CAMSAP1: variants seen among roughly 807,000 people sequenced by gnomAD.
CAMSAP1 encodes calmodulin-regulated spectrin-associated protein 1.
In CAMSAP1, 58 loss-of-function variants were observed where a neutral mutation model predicts 143.5. The observed-to-expected ratio is 0.40, with a 90% CI of 0.33 to 0.50. CAMSAP1 has a LOEUF of 0.50. CAMSAP1 is among the 20% of genes least tolerant of loss of function. The pLI, the probability that CAMSAP1 is intolerant of heterozygous loss-of-function variation, is 0.45. For synonymous variants in CAMSAP1, 945 were observed against 859.3 expected (o/e 1.10, Z -1.74); for missense variants, 1,969 against 2,115.7 (o/e 0.93, Z 1.36).
At chr9:135,859,268 T>G (rs1225998148) in intron 5 of CAMSAP1, among the ~76,000 whole-genome samples, 1 of 152,242 alleles carries the variant, frequency 6.6e-6, no homozygotes, top group East Asian at 1.9e-4. Context: ...GATTCCACAG[T>G]GGCTGGTGCA....
chr9:135,821,786 C>G lies in CAMSAP1; in HGVS notation c.2875G>C (p.Val959Leu). 6 of 1,613,974 alleles carry G rather than the reference C, an allele frequency of 3.7e-6. No homozygotes were observed. Among genetic ancestry groups the G allele is most frequent in the Non-Finnish European group, 4.2e-6 (5 of 1,179,890 alleles). ...DAVSKTEDFL[V>L]KEEQREELLH... is the part of the protein sequence containing the mutation. ...AGCTCCTCTCTCTGCTCCTCCTTCA[C>G]GAGAAAGTCTTCGGTTTTGGAAACA... Residue 959 changes from valine (V) to leucine (L), a missense_variant, in exon 11 of 17, where the codon GTG becomes CTG. This residue lies in a region of CAMSAP1 where 1,390 missense variants were observed against 1,420.8 expected (regional missense o/e 0.98). Transcript: ENST00000389532. This position sits in a 1 kb window ranked among gnomAD's most constrained non-coding sequence, Gnocchi z 4.6.
At chr9:135,838,869 G>A (rs989874317) in intron 7 of CAMSAP1, among the ~76,000 whole-genome samples, 22 of 144,222 alleles carry the variant, frequency 1.5e-4, no homozygotes, top group Admixed American at 6.2e-4. Context: ...GTAGCCACAC[G>A]TTCGCCACGT....
chr9:135,830,170 T>G (rs983690351), intron 7 of CAMSAP1, among the ~76,000 whole-genome samples: 1 of 152,128 alleles, frequency 6.6e-6, no homozygotes, highest in Non-Finnish European at 1.5e-5. Flanking sequence ...AAAGAACTGT[T>G]AGACAAAACA....
At chr9:135,829,355 AT>A (rs1324433350) in intron 7 of CAMSAP1, among the ~76,000 whole-genome samples, 1 of 151,578 alleles carries the variant, frequency 6.6e-6, no homozygotes. Flanking sequence ...AAAAAAAAAA[AT>A]TAAAGTAGCT....
intron 1 of CAMSAP1, among the ~76,000 whole-genome samples, chr9:135,902,195 G>A (rs1838637806): frequency 6.6e-6 from 1 of 152,212 alleles, no homozygotes; most frequent in Non-Finnish European, 1.5e-5. Context: ...ATTTGAAGAT[G>A]CTCTGTAACC....
chr9:135,848,812 A>G (rs1836669633), intron 7 of CAMSAP1, among the ~76,000 whole-genome samples: 1 of 152,222 alleles, frequency 6.6e-6, no homozygotes, highest in African/African-American at 2.4e-5. Context: ...GTCCTGATGC[A>G]CAAGTACCAA....
intron 7 of CAMSAP1, among the ~76,000 whole-genome samples, chr9:135,830,936 T>C (rs1835838448): frequency 6.6e-6 from 1 of 152,100 alleles, no homozygotes; most frequent in Non-Finnish European, 1.5e-5. Context: ...TTTGGGAGGC[T>C]GAGGGGGGCA....
chr9:135,877,236 CAAG>C (rs1837782836), intron 3 of CAMSAP1, among the ~76,000 whole-genome samples: 1 of 151,780 alleles, frequency 6.6e-6, no homozygotes. Flanking sequence ...AAGCCAAACA[CAAG>C]AAGAGCACAC....
At chr9:135,891,431 G>C (rs1838287876) in intron 1 of CAMSAP1, among the ~76,000 whole-genome samples, 1 of 152,230 alleles carries the variant, frequency 6.6e-6, no homozygotes, top group Non-Finnish European at 1.5e-5. Context: ...GCTTACTCCT[G>C]AGCTGTGTGT....
rs772228007 is a variant in CAMSAP1, at chr9:135,882,787, C to T, written c.423+29G>A. 2.0e-5 allele frequency: 31 copies of T among 1,539,014 alleles called. No homozygotes were observed. Among genetic ancestry groups the T allele is most frequent in the Non-Finnish European group, 2.7e-5 (31 of 1,141,554 alleles). ...GAGCCCACGGCTCCAGAGGATGGCCCCTGGGGGCGGCCACCGCAGACCACT... is the reference window on the plus strand; with the variant it reads ...GAGCCCACGGCTCCAGAGGATGGCCTCTGGGGGCGGCCACCGCAGACCACT... On this transcript the variant is annotated intron_variant, in intron 2 of 16. Transcript: ENST00000389532. The surrounding 1 kb of genome is among the most constrained non-coding windows in gnomAD (Gnocchi z 4.9).
intron 3 of CAMSAP1, among the ~76,000 whole-genome samples, chr9:135,880,847 C>T (rs1341135640): frequency 1.3e-5 from 2 of 152,132 alleles, no homozygotes; most frequent in Non-Finnish European, 2.9e-5. Context: ...GTAAGGTAAC[C>T]TTATAAATCA....
chr9:135,847,163 C>T (rs147181281), intron 7 of CAMSAP1, among the ~76,000 whole-genome samples: 1,609 of 151,102 alleles, frequency 0.011, 25 homozygotes, highest in African/African-American at 0.037. Flanking sequence ...CTGGCTAACA[C>T]GGTGAAACCC....
chr9:135,846,752 C>T (rs1450590563), intron 7 of CAMSAP1, among the ~76,000 whole-genome samples: 2 of 144,698 alleles, frequency 1.4e-5, no homozygotes, highest in African/African-American at 2.6e-5. Flanking sequence ...CAAAAGAAGA[C>T]ATATATGCGG....
chr9:135,833,441 C>T (rs566506915), intron 7 of CAMSAP1, among the ~76,000 whole-genome samples: 1 of 152,304 alleles, frequency 6.6e-6, no homozygotes, highest in Non-Finnish European at 1.5e-5. Context: ...TCAAATTATA[C>T]TACAAAGCTA....
intron 14 of CAMSAP1, 197 bp downstream of exon 14, chr9:135,817,780 C>T: frequency 1.8e-6 from 1 of 567,736 alleles, no homozygotes; most frequent in Non-Finnish European, 3.2e-6. Context: ...TGAAGGCTGC[C>T]ACGTTTAACC....
At chr9:135,869,561 C>G (rs1470585302) in intron 3 of CAMSAP1, among the ~76,000 whole-genome samples, 1 of 150,328 alleles carries the variant, frequency 6.7e-6, no homozygotes, top group East Asian at 1.9e-4. Context: ...ATGGGGAAAA[C>G]TAGAACCCTC....
intron 1 of CAMSAP1, among the ~76,000 whole-genome samples, chr9:135,890,675 G>A (rs527872322): frequency 2.6e-5 from 4 of 152,310 alleles, no homozygotes; most frequent in Admixed American, 6.5e-5. Flanking sequence ...CCAGGGCCTC[G>A]CGTGGGGTGA....
At chr9:135,837,296 T>C (rs1213643420) in intron 7 of CAMSAP1, among the ~76,000 whole-genome samples, 3 of 151,842 alleles carry the variant, frequency 2.0e-5, no homozygotes, top group African/African-American at 4.8e-5. Flanking sequence ...CTACCCCTTC[T>C]ACAGACACAC....
At chr9:135,890,478 G>C (rs1838257525) in intron 1 of CAMSAP1, among the ~76,000 whole-genome samples, 1 of 152,148 alleles carries the variant, frequency 6.6e-6, no homozygotes, top group African/African-American at 2.4e-5. Context: ...AGGAGAGGTG[G>C]TAAAGACGGC....
Sources: allele counts gnomAD v4.1 joint callset (sites outside exome capture counted in the v4.1 genomes callset), GRCh38; gene constraint gnomAD v4.1.1; regional missense constraint gnomAD v4.1.1; non-coding constraint Gnocchi (gnomAD v3.1); transcripts MANE v1.5; gene names NCBI Gene and HGNC (gene_info 2026-07-23, HGNC 2026-07-21).